Variants in KIF26A observed in about 807,000 individuals in gnomAD.
KIF26A encodes kinesin family member 26A, also known as kinesin-like protein KIF26A.
In KIF26A, 74 loss-of-function variants were observed where a neutral mutation model predicts 126.0. That is an observed-to-expected ratio of 0.59 (90% CI 0.49 to 0.71). The LOEUF is 0.71. KIF26A is among the 30% of genes least tolerant of loss of function. The pLI is 0.00. For missense variants in KIF26A, 2,984 were observed against 2,763.3 expected (o/e 1.08, Z -1.79); for synonymous variants, 1,445 against 1,232.7 (o/e 1.17, Z -3.61).
chr14:104,145,491 C>T (rs571781977), intron 2 of KIF26A, among the ~76,000 whole-genome samples: 44 of 152,296 alleles, frequency 2.9e-4, no homozygotes, highest in Middle Eastern at 6.8e-3. Flanking sequence ...CCGCCTGGCC[C>T]GGCGCCAGGT....
At chr14:104,173,674 T>C (rs2275593) in intron 9 of KIF26A, 32 bp from the exon 10 acceptor site, 500,544 of 1,604,488 alleles carry the variant, frequency 0.31, 81,595 homozygotes, top group East Asian at 0.41. Context: ...GGCCCCTGGC[T>C]ACACCATCAT....
Position 104,173,096 on chromosome 14 carries a change from T to G in KIF26A, c.1540T>G (p.Phe514Val). The G allele has an allele frequency of 6.2e-7, 1 of 1,605,800 alleles. No individual in the cohort carries two copies. Among genetic ancestry groups the G allele is most frequent in the South Asian group, 1.1e-5 (1 of 89,962 alleles). The change falls in exon 8 of 15, where the codon TTC (phenylalanine) becomes GTC (valine). Residue 514 changes from phenylalanine to valine, a missense_variant. Transcript: ENST00000423312. The stretch of plus-strand genomic sequence containing the variant: ...GCGCAGGGAGAGGACGGGCACCCGC[T>G]TCTCCGTCCGGGTCTCAGCCGTGGA... ...EERRERTGTR[F>V]SVRVSAVEVC...
intron 14 of KIF26A, 105 bp from the exon 15 acceptor site, chr14:104,179,504 G>T (rs999668888): frequency 1.4e-5 from 20 of 1,427,642 alleles, no homozygotes; most frequent in Non-Finnish European, 1.7e-5. Context: ...GGAAGGCAGG[G>T]TCGGCCGGGC....
intron 3 of KIF26A, among the ~76,000 whole-genome samples, chr14:104,154,812 G>T (rs1323211861): frequency 6.6e-6 from 1 of 152,226 alleles, no homozygotes; most frequent in African/African-American, 2.4e-5. Flanking sequence ...CGGCCCGGTG[G>T]GCAGTGTGGG....
At chr14:104,174,844 G>T in intron 11 of KIF26A, 138 bp from the exon 12 acceptor site, 2 of 880,586 alleles carry the variant, frequency 2.3e-6, no homozygotes, top group African/African-American at 1.7e-5. Flanking sequence ...CCCAGCGTTT[G>T]GTGGGACATG....
rs759956015 is a variant in KIF26A, at chr14:104,177,543, G to A, written c.4755G>A (p.Ser1585=). 38 of 1,537,610 alleles carry A rather than the reference G, an allele frequency of 2.5e-5. No homozygotes were observed. The highest frequency in any genetic ancestry group is 3.7e-4 in the Middle Eastern group (2 of 5,370). ...APGRGGSSWG[S]ADSDSGHDSG... is the part of the protein sequence containing the mutation. ...GCCGAGGTGGCTCCTCGTGGGGCTC[G>A]GCGGACTCAGACAGCGGCCATGACA... Residue 1585 remains serine (S), a synonymous_variant, in exon 12 of 15, where the codon TCG becomes TCA. Transcript: ENST00000423312.
chr14:104,174,170 C>A lies in KIF26A; in HGVS notation c.2053C>A (p.Leu685Met). ...CAGGGACCACAGGCTCACCATGCTG[C>A]TGCGTGAATCCCTGGCCACCGCTGG... The part of the protein sequence containing the change: ...PYRDHRLTML[L>M]RESLATAGCR... Residue 685 changes from leucine to methionine, a missense_variant, in exon 11 of 15, where the codon CTG (leucine) becomes ATG (methionine). Leu to Met is a conservative substitution (Grantham distance 15). Transcript: ENST00000423312. 6.3e-7 allele frequency: 1 copy of A among 1,587,438 alleles called. No homozygotes were observed. Among genetic ancestry groups the A allele is most frequent in the South Asian group, 1.1e-5 (1 of 87,154 alleles).
At chr14:104,166,777 G>C in intron 4 of KIF26A, 82 bp from the exon 5 acceptor site, 3 of 1,310,594 alleles carry the variant, frequency 2.3e-6, no homozygotes, top group Non-Finnish European at 3.1e-6. Flanking sequence ...CCCAGGGTGG[G>C]ATCGCCTGGT....
rs549597922 is a variant in KIF26A, at chr14:104,152,780, G to A, written c.735+319G>A. 5.9e-5 allele frequency among the ~76,000 whole-genome samples: 9 copies of A among 152,340 alleles called. No homozygotes were observed. The highest frequency in any genetic ancestry group is 5.9e-4 in the Admixed American group (9 of 15,312). On this transcript the variant is annotated intron_variant, in intron 3 of 14. Transcript: ENST00000423312. The surrounding 1 kb of genome is among the most constrained non-coding windows in gnomAD (Gnocchi z 5.9). ...AGGGCTTGGCGATGCACAGGGCACC[G>A]TGTGTAGATCGGGGCTCACGAGGCA...
Position 104,157,904 on chromosome 14 carries a change from C to T in KIF26A, c.885C>T (p.Gly295=). The change falls in exon 4 of 15, where the codon GGC becomes GGT. Residue 295 remains glycine, a synonymous_variant. Transcript: ENST00000423312. ...CCCCCACCCCGGGCTCGGTGGGGGG[C>T]TCCACAGGCCCCTCAGCTGCAGCCT... The part of the protein sequence containing the change: ...LVTPTPGSVG[G]STGPSAAASF... The T allele has an allele frequency of 2.6e-6, 4 of 1,548,702 alleles. No homozygotes were observed. The highest frequency in any genetic ancestry group is 2.4e-5 in the South Asian group (2 of 83,982).
chr14:104,148,796 C>T lies in KIF26A; in HGVS notation c.289-3219C>T, dbSNP rs2037702374. Among the ~76,000 whole-genome samples the T allele has an allele frequency of 6.6e-6, 1 of 152,130 alleles. No homozygotes were observed. Among genetic ancestry groups the T allele is most frequent in the Non-Finnish European group, 1.5e-5 (1 of 68,026 alleles). On this transcript the variant is annotated intron_variant, in intron 2 of 14. Transcript: ENST00000423312. The surrounding 1 kb of genome is among the most constrained non-coding windows in gnomAD (Gnocchi z 4.3). ...ACCCTCGCCTTCACCTTCTGGGGCC[C>T]AAGATGCCCATCCCTGGGAGCCACC...
chr14:104,174,837 A>G, intron 11 of KIF26A, 145 bp from the exon 12 acceptor site: 1 of 844,082 alleles, frequency 1.2e-6, no homozygotes, highest in Non-Finnish European at 1.8e-6. Context: ...TTCCGCTCCC[A>G]GCGTTTGGTG....
intron 4 of KIF26A, among the ~76,000 whole-genome samples, chr14:104,163,572 G>A (rs2037851954): frequency 6.7e-6 from 1 of 149,298 alleles, no homozygotes; most frequent in Admixed American, 6.7e-5. Flanking sequence ...ACACAGGCCC[G>A]GGCCCCACGA....
chr14:104,174,009 C>A, intron 10 of KIF26A, 139 bp from the exon 11 acceptor site: 1 of 1,392,046 alleles, frequency 7.2e-7, no homozygotes, highest in East Asian at 2.5e-5. Flanking sequence ...CCTCGCTGCC[C>A]GTGGGCTGCC....
chr14:104,164,366 G>A (rs2037861101), intron 4 of KIF26A, among the ~76,000 whole-genome samples: 1 of 152,186 alleles, frequency 6.6e-6, no homozygotes, highest in African/African-American at 2.4e-5. Flanking sequence ...TCTGGCCCGC[G>A]TGGGAGCGCC....
chr14:104,138,666 C>G lies in KIF26A; in HGVS notation c.-57C>G. 8.1e-7 allele frequency: 1 copy of G among 1,233,546 alleles called. No homozygotes were observed. Among genetic ancestry groups the G allele is most frequent in the Non-Finnish European group, 1.0e-6 (1 of 981,730 alleles). The allele number at this position is 1,233,546 out of a possible 1,614,324, so 76.4% of individuals were successfully genotyped here. On this transcript the variant is annotated 5_prime_UTR_variant, in exon 1 of 15. Coordinates refer to ENST00000423312, the MANE Select transcript of KIF26A (RefSeq NM_015656.2). ...GGGGCCGGATCACGTAGCCGCGGCG[C>G]CCCCGGAGAGCCAGCGTGGCCGGGA... is the stretch of plus-strand genomic sequence containing the variant.
intron 2 of KIF26A, among the ~76,000 whole-genome samples, chr14:104,141,743 A>C (rs371240401): frequency 7.9e-5 from 12 of 152,058 alleles, no homozygotes; most frequent in South Asian, 4.1e-4. Flanking sequence ...GGTCTCCTTG[A>C]ATGTGTTGCT....
chr14:104,167,500 C>T (rs965931910), intron 5 of KIF26A, among the ~76,000 whole-genome samples: 3 of 152,108 alleles, frequency 2.0e-5, no homozygotes, highest in Non-Finnish European at 2.9e-5. Flanking sequence ...TTGATTCTGG[C>T]GCCGCGCTCC....
chr14:104,144,708 G>A (rs1245592017), intron 2 of KIF26A, among the ~76,000 whole-genome samples: 2 of 152,190 alleles, frequency 1.3e-5, no homozygotes, highest in Non-Finnish European at 1.5e-5. Context: ...TAATGGGAAC[G>A]GGTCATTCTT....
Sources: gnomAD v4.1 joint callset for allele counts (sites outside exome capture counted in the v4.1 genomes callset) on GRCh38, gnomAD v4.1.1 for gene constraint, Gnocchi (gnomAD v3.1) non-coding constraint, MANE v1.5 for transcripts, NCBI Gene and HGNC (gene_info 2026-07-23, HGNC 2026-07-21) for gene names.